The following MAP4 variants were observed in gnomAD, a reference collection of about 807,000 sequenced individuals.
MAP4 encodes the protein microtubule associated protein 4.
In MAP4, 76 loss-of-function variants were observed where a neutral mutation model predicts 170.2. The observed-to-expected ratio is 0.45, with a 90% CI of 0.37 to 0.54. MAP4 has a LOEUF of 0.54. MAP4 is among the 20% of genes least tolerant of loss of function. The pLI, the probability that MAP4 is intolerant of heterozygous loss-of-function variation, is 0.00. For synonymous variants in MAP4, 909 were observed against 994.5 expected (o/e 0.91, Z 1.62); for missense variants, 2,506 against 2,748.0 (o/e 0.91, Z 1.97).
At chr3:47,944,415 G>GA (rs2100058407) in intron 3 of MAP4, among the ~76,000 whole-genome samples, 1 of 152,002 alleles carries the variant, frequency 6.6e-6, no homozygotes, top group East Asian at 1.9e-4. Flanking sequence ...CCAAAATATA[G>GA]TATTTTACTT....
At chr3:48,062,703 A>G (rs1202254683) in intron 1 of MAP4, among the ~76,000 whole-genome samples, 1 of 151,682 alleles carries the variant, frequency 6.6e-6, no homozygotes, top group Non-Finnish European at 1.5e-5. Flanking sequence ...CGGGCAGATC[A>G]CCTGAGGTTG....
chr3:47,858,226 T>A (rs181521672), intron 17 of MAP4, among the ~76,000 whole-genome samples: 19 of 152,126 alleles, frequency 1.2e-4, no homozygotes, highest in Admixed American at 1.2e-3. Flanking sequence ...TTGGTCAGGC[T>A]GGTCTCGAAC....
chr3:47,966,695 A>T (rs1467288298), intron 3 of MAP4, among the ~76,000 whole-genome samples: 2 of 152,036 alleles, frequency 1.3e-5, no homozygotes, highest in South Asian at 4.1e-4. Context: ...CAACTTTTTT[A>T]TGTGGATATC....
upstream of MAP4, among the ~76,000 whole-genome samples, chr3:48,019,001 C>T (rs184739899): frequency 7.4e-4 from 112 of 152,202 alleles, 1 homozygote; most frequent in African/African-American, 2.6e-3. Context: ...TTTAGAAAAG[C>T]ATGACATGAT....
intron 17 of MAP4, among the ~76,000 whole-genome samples, chr3:47,866,994 A>C (rs2081584352): frequency 6.6e-6 from 1 of 152,122 alleles, no homozygotes; most frequent in South Asian, 2.1e-4. Context: ...CTGGAGAAAA[A>C]TCCAAAGCCT....
intron 2 of MAP4, among the ~76,000 whole-genome samples, chr3:47,986,362 A>C (rs2100088686): frequency 6.6e-6 from 1 of 150,416 alleles, no homozygotes; most frequent in African/African-American, 2.4e-5. Flanking sequence ...ATTTTTTTTG[A>C]GATGGAGTCA....
At chr3:47,869,436 C>A (rs1407605590) in intron 15 of MAP4, 109 bp from the exon 16 acceptor site, 3 of 726,446 alleles carry the variant, frequency 4.1e-6, no homozygotes, top group African/African-American at 1.8e-5. Context: ...GGCCACCAGG[C>A]AAAAGCAGGT....
intron 10 of MAP4, among the ~76,000 whole-genome samples, chr3:47,898,427 G>A (rs775354242): frequency 4.6e-5 from 7 of 151,944 alleles, no homozygotes; most frequent in Non-Finnish European, 7.4e-5. Context: ...GCTTGAATCC[G>A]GGAGGCAGAG....
chr3:48,064,973 GA>G (rs925302480), intron 1 of MAP4, among the ~76,000 whole-genome samples: 2 of 151,858 alleles, frequency 1.3e-5, no homozygotes, highest in East Asian at 3.9e-4. Context: ...TACAAAAAAA[GA>G]AAAAAAATTG....
chr3:47,852,382 G>C lies in MAP4; in HGVS notation c.*552C>G. 1 of 186,818 alleles carries C rather than the reference G, an allele frequency of 5.4e-6. No individual in the cohort carries two copies. Among genetic ancestry groups the C allele is most frequent in the Non-Finnish European group, 1.1e-5 (1 of 90,908 alleles). The allele number at this position is 186,818 out of a possible 1,614,324, so 11.6% of individuals were successfully genotyped here. A position where few individuals can be genotyped will look rare whatever the true frequency, so the allele number is the denominator to read the frequency against. ...GCCCGACACCACCTGCATGGGGAGG[G>C]GGGGGCGCCCATTTGTGGGACCAGA... On this transcript the variant is annotated 3_prime_UTR_variant, in exon 21 of 21. Coordinates refer to ENST00000683076, the MANE Select transcript of MAP4 (RefSeq NM_001385682.1).
intron 1 of MAP4, among the ~76,000 whole-genome samples, chr3:48,028,538 G>A (rs962303214): frequency 5.3e-5 from 8 of 152,132 alleles, no homozygotes; most frequent in African/African-American, 1.4e-4. Context: ...ACTTTGGGAG[G>A]GTGAGGCAGG....
chr3:48,069,993 A>C (rs2100140185), intron 1 of MAP4, among the ~76,000 whole-genome samples: 1 of 152,004 alleles, frequency 6.6e-6, no homozygotes, highest in Non-Finnish European at 1.5e-5. Flanking sequence ...TTTTTTTCTG[A>C]GACAGGGTCT....
rs58604865 is a variant in MAP4, at chr3:48,050,604, T to TAA, written c.-20+38167_-20+38168dup. ...GTGTTGTTTCAATTTATCATAAACT[T>TAA]AAAAAAAAAAAAAAACTATAGAGGA... On this transcript the variant is annotated intron_variant, in intron 1 of 18. Coordinates refer to the MAP4 transcript ENST00000360240. 4.3e-3 allele frequency among the ~76,000 whole-genome samples: 600 copies of TAA among 139,720 alleles called. 6 individuals are homozygous for TAA. Among genetic ancestry groups the TAA allele is most frequent in the African/African-American group, 0.014 (563 of 39,128 alleles). 91.7% of individuals were successfully genotyped at this position (139,720 alleles called of 152,430 possible). A position where few individuals can be genotyped will look rare whatever the true frequency, so the allele number is the denominator to read the frequency against.
chr3:48,082,762 C>A (rs1230643372), intron 1 of MAP4, among the ~76,000 whole-genome samples: 2 of 144,790 alleles, frequency 1.4e-5, no homozygotes. Context: ...CATGCTACTG[C>A]ACTCCAGCCT....
intron 1 of MAP4, among the ~76,000 whole-genome samples, chr3:48,043,652 T>C (rs915105462): frequency 1.1e-4 from 16 of 152,210 alleles, no homozygotes; most frequent in African/African-American, 3.9e-4. Flanking sequence ...GAGATGCATA[T>C]ACAAACTCTG....
chr3:47,912,365 T>G lies in MAP4; in HGVS notation c.2056A>C (p.Ser686Arg). 3 of 1,534,196 alleles carry G rather than the reference T, an allele frequency of 2.0e-6. No individual in the cohort carries two copies. Among genetic ancestry groups the G allele is most frequent in the Non-Finnish European group, 2.6e-6 (3 of 1,145,654 alleles). Residue 686 changes from serine (S) to arginine (R), a missense_variant, in exon 9 of 21, where the codon AGT (serine) becomes CGT (arginine). By Grantham distance (110) the Ser-to-Arg change is moderately radical. Around this residue, in one of 3 missense-constraint regions of MAP4, gnomAD observed 2,008 missense variants for 2,206.0 expected, o/e 0.91. Transcript: ENST00000683076. The part of the protein sequence containing the change: ...PTQAKQVCRP[S>R]DRRSTRPKPA... ...TTGGGCCGGGTTGACCTGCGGTCACTGGGTCTGCAAACTTGTTTGGCTTGT... is the reference window on the plus strand; with the variant it reads ...TTGGGCCGGGTTGACCTGCGGTCACGGGGTCTGCAAACTTGTTTGGCTTGT...
intron 11 of MAP4, among the ~76,000 whole-genome samples, chr3:47,876,132 C>CTTTTTTT (rs756229459): frequency 1.4e-4 from 20 of 140,552 alleles, no homozygotes; most frequent in Non-Finnish European, 2.3e-4. Context: ...TTTTCTTTTT[C>CTTTTTTT]TTTCTTTTTT....
intron 10 of MAP4, 168 bp from the exon 11 acceptor site, chr3:47,877,691 AT>A: frequency 1.9e-6 from 1 of 519,842 alleles, no homozygotes; most frequent in East Asian, 3.2e-5. Context: ...TCTCATTGTG[AT>A]GGAGGACAGT....
chr3:47,909,779 C>G lies in MAP4; in HGVS notation c.4642G>C (p.Val1548Leu), dbSNP rs1230664374. Residue 1548 changes from valine to leucine, a missense_variant, in exon 9 of 21, where the codon GTG (valine) becomes CTG (leucine). Physicochemically the swap from Val to Leu is conservative, Grantham distance 32 (BLOSUM62 1). Coordinates refer to ENST00000683076, the MANE Select transcript of MAP4 (RefSeq NM_001385682.1). ...KNEAGIDEGH[V>L]IGESESVHSG... ...TGCACTGACTCAGATTCTCCTATCA[C>G]ATGCCCTTCATCGATCCCTGCTTCA... 1 of 1,614,036 alleles carries G rather than the reference C, an allele frequency of 6.2e-7. No individual in the cohort carries two copies. The highest frequency in any genetic ancestry group is 1.3e-5 in the African/African-American group (1 of 75,064).
Sources: gnomAD v4.1 joint callset for allele counts (sites outside exome capture counted in the v4.1 genomes callset) on GRCh38, gnomAD v4.1.1 for gene constraint, gnomAD v4.1.1 regional missense constraint, MANE v1.5 for transcripts, NCBI Gene and HGNC (gene_info 2026-07-23, HGNC 2026-07-21) for gene names.